Variants in CALD1 observed in about 807,000 individuals in gnomAD.
CALD1 encodes the protein caldesmon.
In CALD1, 33 loss-of-function variants were observed where a neutral mutation model predicts 99.9. That is an observed-to-expected ratio of 0.33 (90% confidence interval 0.25 to 0.44). The LOEUF is 0.44. CALD1 is among the 20% of genes least tolerant of loss of function. CALD1 has a pLI of 1.00. For synonymous variants in CALD1, 310 were observed against 325.0 expected (o/e 0.95, Z 0.50); for missense variants, 861 against 962.1 (o/e 0.89, Z 1.39).
At chr7:134,792,762 C>A (rs1451147372) in intron 1 of CALD1, among the ~76,000 whole-genome samples, 1 of 152,114 alleles carries the variant, frequency 6.6e-6, no homozygotes, top group East Asian at 1.9e-4. Context: ...ACAATTCAAC[C>A]CATAGTATGT....
chr7:134,928,162 T>C, intron 3 of CALD1: 1 of 242,426 alleles, frequency 4.1e-6, no homozygotes, highest in South Asian at 4.1e-5. Flanking sequence ...CCAGGCCCGG[T>C]GGCTCACGCC....
chr7:134,729,911 G>A, the CALD1 span, among the ~76,000 whole-genome samples: 2 of 152,186 alleles, frequency 1.3e-5, no homozygotes, highest in Non-Finnish European at 2.9e-5. Flanking sequence ...CTAGACTCTG[G>A]ATGGAGAGTT....
At chr7:134,755,146 G>A (rs547258668) in intron 1 of CALD1, among the ~76,000 whole-genome samples, 7 of 151,910 alleles carry the variant, frequency 4.6e-5, no homozygotes, top group Non-Finnish European at 7.4e-5. Flanking sequence ...GATTACAGGC[G>A]CCCACTACCA....
rs199572546 is a variant in CALD1 at position 134,958,204 on chromosome 7, T to C, written c.1980-5T>C. The C allele has an allele frequency of 1.1e-5, 17 of 1,613,970 alleles. No individual in the cohort carries two copies. In the African/African-American group the frequency reaches 1.9e-4, roughly 18 times the overall value. The stretch of plus-strand genomic sequence containing the variant: ...ATTTTTATATGTATGTGTTTACTTT[T>C]TTAGCAGTGGTGTCAAATCGACCCA... On this transcript the variant is annotated splice_region_variant and splice_polypyrimidine_tract_variant and intron_variant, in intron 10 of 14. Transcript: ENST00000361675.
At chr7:134,951,046 T>C (rs1807299373) in intron 9 of CALD1, among the ~76,000 whole-genome samples, 1 of 152,192 alleles carries the variant, frequency 6.6e-6, no homozygotes, top group African/African-American at 2.4e-5. Flanking sequence ...CTATTCCTCA[T>C]AGGTGGCACC....
At chr7:134,952,137 C>T (rs1807389741) in intron 9 of CALD1, among the ~76,000 whole-genome samples, 1 of 151,930 alleles carries the variant, frequency 6.6e-6, no homozygotes, top group South Asian at 2.1e-4. Flanking sequence ...CCCATCCCTA[C>T]TAAAAATACA....
intron 1 of CALD1, among the ~76,000 whole-genome samples, chr7:134,794,861 A>C (rs990286417): frequency 2.0e-5 from 3 of 152,222 alleles, no homozygotes; most frequent in African/African-American, 7.2e-5. Flanking sequence ...AAATGTTCTC[A>C]TGACACAGTC....
chr7:134,813,932 A>G (rs1798458074), intron 1 of CALD1, among the ~76,000 whole-genome samples: 1 of 152,180 alleles, frequency 6.6e-6, no homozygotes. Context: ...ACACAAGATC[A>G]TTGGAGGACA....
chr7:134,876,764 T>C (rs1801372435), intron 3 of CALD1, among the ~76,000 whole-genome samples: 1 of 152,250 alleles, frequency 6.6e-6, no homozygotes, highest in East Asian at 1.9e-4. Flanking sequence ...TTCTCCATTC[T>C]TACCAGTTTT....
chr7:134,932,507 G>C (rs1805597295), intron 4 of CALD1, among the ~76,000 whole-genome samples: 2 of 152,218 alleles, frequency 1.3e-5, no homozygotes, highest in Non-Finnish European at 2.9e-5. Context: ...TTATTTGTAA[G>C]GTGATGCTAG....
chr7:134,932,848 TA>T, intron 4 of CALD1, 139 bp from the exon 5 acceptor site: 1 of 565,472 alleles, frequency 1.8e-6, no homozygotes. Flanking sequence ...AGGCGTGTAC[TA>T]AAATGGTAAC....
chr7:134,883,356 T>C (rs991870258), intron 3 of CALD1, among the ~76,000 whole-genome samples: 1 of 152,212 alleles, frequency 6.6e-6, no homozygotes, highest in Non-Finnish European at 1.5e-5. Context: ...GTCGGCTATT[T>C]TTTTTAAGTA....
intron 1 of CALD1, among the ~76,000 whole-genome samples, chr7:134,833,972 C>T (rs1472171878): frequency 1.3e-5 from 2 of 152,200 alleles, no homozygotes; most frequent in Admixed American, 1.3e-4. Flanking sequence ...AGGCCTTTTT[C>T]TTCCACGGAA....
chr7:134,772,577 A>G (rs188983744), intron 1 of CALD1, among the ~76,000 whole-genome samples: 27 of 152,270 alleles, frequency 1.8e-4, no homozygotes, highest in African/African-American at 6.0e-4. Context: ...ATCTAATTAC[A>G]TCATCTTTGT....
intron 1 of CALD1, among the ~76,000 whole-genome samples, chr7:134,842,273 C>T (rs143653282): frequency 2.2e-3 from 335 of 152,296 alleles, no homozygotes; most frequent in South Asian, 3.9e-3. Context: ...TGAATTCAGG[C>T]AAATGACTTC....
At position 134,763,365 on chromosome 7, in the gene CALD1, A is replaced by G. The variant is rs1424481645; in HGVS notation, c.-130+19002A>G. On this transcript the variant is annotated intron_variant, in intron 1 of 13. Transcript: ENST00000417172. The stretch of plus-strand genomic sequence containing the variant: ...GTTTTGGAGTTTGAGCAAAAAGAAC[A>G]TATGAGTAATCCTCTGGTATTATTT... 2.6e-5 allele frequency among the ~76,000 whole-genome samples: 4 copies of G among 152,338 alleles called. No individual in the cohort carries two copies. In the East Asian group the frequency reaches 5.8e-4, roughly 22 times the overall value.
chr7:134,884,108 A>AG (rs1403851640), intron 3 of CALD1, among the ~76,000 whole-genome samples: 1 of 97,758 alleles, frequency 1.0e-5, no homozygotes, highest in East Asian at 1.3e-3. Context: ...GTCTCAAAAA[A>AG]GAAAAAAAAA....
the CALD1 span, among the ~76,000 whole-genome samples, chr7:134,739,125 C>G: frequency 6.6e-6 from 1 of 152,124 alleles, no homozygotes; most frequent in Admixed American, 6.5e-5. Context: ...TGGGGCAGAG[C>G]TTTACTTTGA....
intron 3 of CALD1, among the ~76,000 whole-genome samples, chr7:134,924,303 TG>T (rs1168498270): frequency 1.1e-4 from 16 of 152,314 alleles, no homozygotes; most frequent in Middle Eastern, 3.4e-3. Context: ...TTGAATTGTT[TG>T]GTTTTAAAAA....
Sources: allele counts gnomAD v4.1 joint callset (sites outside exome capture counted in the v4.1 genomes callset), GRCh38; gene constraint gnomAD v4.1.1; transcripts MANE v1.5; gene names NCBI Gene and HGNC (gene_info 2026-07-23, HGNC 2026-07-21).